Variants in CTNNA3 observed in about 807,000 individuals in gnomAD.
CTNNA3 encodes the protein catenin alpha 3.
Under a neutral mutation model 95.7 loss-of-function variants are expected in CTNNA3, and 76 were observed. The ratio of observed to expected loss-of-function variants is 0.79; its 90% CI spans 0.66 to 0.96. CTNNA3 has a LOEUF of 0.96. CTNNA3 is among the 40% of genes least tolerant of loss of function. The probability of loss-of-function intolerance (pLI) is 0.00; values close to 1 mark genes in which losing one functional copy is unlikely to be tolerated. For missense variants in CTNNA3, 1,191 were observed against 1,089.8 expected, an observed-to-expected ratio of 1.09 and a Z score of -1.31; for synonymous variants, 431 against 374.4, an observed-to-expected ratio of 1.15 and a Z score of -1.74.
chr10:66,120,973 C>T (rs753595062), intron 13 of CTNNA3, among the ~76,000 whole-genome samples: 4 of 152,104 alleles, frequency 2.6e-5, no homozygotes, highest in African/African-American at 7.2e-5. Context: ...AACCCAGGTG[C>T]GAAGGCCAAT....
chr10:67,541,154 G>A (rs954264982), intron 3 of CTNNA3, among the ~76,000 whole-genome samples: 1 of 151,736 alleles, frequency 6.6e-6, no homozygotes, highest in African/African-American at 2.4e-5. Context: ...AACAAGTTTA[G>A]CTTTAGGATA....
intron 7 of CTNNA3, among the ~76,000 whole-genome samples, chr10:66,818,562 G>T (rs1842177222): frequency 6.6e-6 from 1 of 152,118 alleles, no homozygotes; most frequent in African/African-American, 2.4e-5. Flanking sequence ...TTCAAGACTT[G>T]CATACTGCCT....
Position 65,920,621 on chromosome 10 carries a change from T to C in CTNNA3, c.2401-4A>G. 1.9e-6 allele frequency: 3 copies of C among 1,600,702 alleles called. No individual in the cohort carries two copies. Among genetic ancestry groups the C allele is most frequent in the Non-Finnish European group, 2.6e-6 (3 of 1,172,142 alleles). On this transcript the variant is annotated splice_polypyrimidine_tract_variant and splice_region_variant and intron_variant, in intron 17 of 17. Transcript: ENST00000433211. Reference sequence around the variant, plus strand: ...TCAGGGATGTGACACTGTCCAACTGTAGGGAAAAAAGAGAAAAAAGAGCTA... The same window carrying C: ...TCAGGGATGTGACACTGTCCAACTGCAGGGAAAAAAGAGAAAAAAGAGCTA...
chr10:66,579,829 C>T (rs182092992), intron 10 of CTNNA3, among the ~76,000 whole-genome samples: 2 of 151,756 alleles, frequency 1.3e-5, no homozygotes, highest in East Asian at 3.9e-4. Flanking sequence ...CCCTGGTTTC[C>T]GATGAGAGAT....
chr10:66,981,837 C>A (rs1274139699), intron 7 of CTNNA3, among the ~76,000 whole-genome samples: 2 of 152,214 alleles, frequency 1.3e-5, no homozygotes, highest in Admixed American at 6.5e-5. Context: ...CACATTGCAT[C>A]ATCTTCCTGC....
chr10:67,548,044 G>C (rs1194837429), intron 3 of CTNNA3, among the ~76,000 whole-genome samples: 1 of 152,142 alleles, frequency 6.6e-6, no homozygotes, highest in Non-Finnish European at 1.5e-5. Context: ...GTAATCCCCA[G>C]TGTTGGAGGT....
intron 5 of CTNNA3, among the ~76,000 whole-genome samples, chr10:67,265,333 C>T (rs1013840937): frequency 5.9e-5 from 9 of 152,064 alleles, no homozygotes; most frequent in Admixed American, 6.6e-5. Flanking sequence ...TCTTCTCTTT[C>T]CCCAAGACTT....
chr10:66,455,927 C>G (rs2093492235), intron 11 of CTNNA3, among the ~76,000 whole-genome samples: 1 of 152,140 alleles, frequency 6.6e-6, no homozygotes, highest in Admixed American at 6.5e-5. Context: ...ATGAATGTAA[C>G]TATAAACTGA....
intron 5 of CTNNA3, among the ~76,000 whole-genome samples, chr10:67,432,416 G>A (rs1203754643): frequency 6.6e-6 from 1 of 151,926 alleles, no homozygotes; most frequent in African/African-American, 2.4e-5. Context: ...CACAGTTTTA[G>A]AGGCCATGAA....
chr10:66,451,282 T>A (rs1362057120), intron 11 of CTNNA3, among the ~76,000 whole-genome samples: 1 of 152,200 alleles, frequency 6.6e-6, no homozygotes, highest in East Asian at 1.9e-4. Context: ...AAGACACTTT[T>A]TATGCTTGAC....
At chr10:65,956,464 T>C (rs1424462741) in intron 17 of CTNNA3, among the ~76,000 whole-genome samples, 2 of 152,204 alleles carry the variant, frequency 1.3e-5, no homozygotes, top group East Asian at 3.9e-4. Context: ...TCTCTAGTTC[T>C]TTTAATTGTG....
chr10:67,319,190 G>A (rs1841199741), intron 5 of CTNNA3, among the ~76,000 whole-genome samples: 1 of 152,174 alleles, frequency 6.6e-6, no homozygotes, highest in South Asian at 2.1e-4. Flanking sequence ...ACAACTCATT[G>A]CTGGAAAATT....
intron 7 of CTNNA3, among the ~76,000 whole-genome samples, chr10:66,809,435 C>A (rs562482139): frequency 1.3e-5 from 2 of 152,128 alleles, no homozygotes; most frequent in African/African-American, 4.8e-5. Flanking sequence ...TTTTCCATTA[C>A]TAACTTTTTA....
intron 1 of CTNNA3, among the ~76,000 whole-genome samples, chr10:67,704,844 T>C (rs1168306977): frequency 8.6e-5 from 13 of 151,832 alleles, no homozygotes; most frequent in East Asian, 5.8e-4. Context: ...ACAGGCAACC[T>C]ACAAAATGGG....
intron 5 of CTNNA3, among the ~76,000 whole-genome samples, chr10:67,445,107 C>G (rs187106559): frequency 6.3e-4 from 96 of 151,532 alleles, no homozygotes; most frequent in African/African-American, 2.2e-3. Context: ...GCGAGTATTA[C>G]CCTGACACCA....
At chr10:67,081,906 T>C (rs1020750552) in intron 7 of CTNNA3, among the ~76,000 whole-genome samples, 24 of 152,204 alleles carry the variant, frequency 1.6e-4, no homozygotes, top group Admixed American at 4.6e-4. Flanking sequence ...TCACTAGTTA[T>C]GTTTATATGC....
intron 10 of CTNNA3, among the ~76,000 whole-genome samples, chr10:66,582,649 C>A (rs527972249): frequency 6.6e-6 from 1 of 151,846 alleles, no homozygotes; most frequent in Admixed American, 6.6e-5. Context: ...TGTCTGATTG[C>A]TCTGGCTAGG....
intron 1 of CTNNA3, among the ~76,000 whole-genome samples, chr10:67,669,060 G>A (rs537883338): frequency 2.0e-5 from 3 of 151,976 alleles, no homozygotes; most frequent in South Asian, 2.1e-4. Context: ...GGCTAGTCTC[G>A]AACTCCTGAC....
rs185546426 is a variant in CTNNA3 at position 66,220,884 on chromosome 10, G to T, written c.1884+59586C>A. On this transcript the variant is annotated intron_variant, in intron 13 of 17. Transcript: ENST00000433211. ...CCTGGGATTTTTATAGGTACAGGAT[G>T]GGGGGTGAGGTGGGCCAGAGTGGTT... is the stretch of plus-strand genomic sequence containing the variant. Among the ~76,000 whole-genome samples the T allele has an allele frequency of 1.3e-4, 20 of 152,202 alleles. No individual in the cohort carries two copies. The East Asian group carries it at 3.9e-3, about 29-fold the overall frequency.
Sources: gnomAD v4.1 joint callset for allele counts (sites outside exome capture counted in the v4.1 genomes callset) on GRCh38, gnomAD v4.1.1 for gene constraint, MANE v1.5 for transcripts, NCBI Gene and HGNC (gene_info 2026-07-23, HGNC 2026-07-21) for gene names.